SGCE: variants seen among roughly 807,000 people sequenced by gnomAD.
SGCE encodes epsilon-sarcoglycan.
Under a neutral mutation model 57.8 loss-of-function variants are expected in SGCE, and 26 were observed. The observed-to-expected ratio is 0.45, with a 90% CI of 0.33 to 0.62. The LOEUF is 0.62. Ranked by LOEUF, SGCE falls within the 20% of genes least tolerant of loss-of-function variation. SGCE has a pLI of 0.02. For synonymous variants in SGCE, 183 were observed against 189.5 expected (o/e 0.97, Z 0.28); for missense variants, 468 against 548.6 (o/e 0.85, Z 1.47).
intron 1 of SGCE, among the ~76,000 whole-genome samples, chr7:94,633,550 A>C (rs1425292535): frequency 6.6e-6 from 1 of 152,108 alleles, no homozygotes; most frequent in Non-Finnish European, 1.5e-5. Context: ...TAGAATCTGC[A>C]GCCATTTCAA....
In SGCE at chr7:94,648,515, A is replaced by G. The variant is rs1343240521; in HGVS notation, c.109+7475T>C. On this transcript the variant is annotated intron_variant, in intron 1 of 10. Coordinates refer to ENST00000648936, the MANE Select transcript of SGCE (RefSeq NM_003919.3). ...GAAGCACCTTCACCATTATATCTCT[A>G]AGCTAGACTTCTAGCAGTAAAACGG... 2.6e-5 allele frequency among the ~76,000 whole-genome samples: 4 copies of G among 152,210 alleles called. No individual in the cohort carries two copies. In the East Asian group the frequency reaches 7.7e-4, roughly 29 times the overall value.
chr7:94,621,330 C>T (rs1324253405), intron 4 of SGCE: 1 of 152,154 alleles, frequency 6.6e-6, no homozygotes, highest in Non-Finnish European at 1.5e-5. Context: ...ACAAGCACTG[C>T]CTGGAGTAAA....
At chr7:94,628,912 T>G (rs1804202409) in intron 2 of SGCE, 1 of 155,904 alleles carries the variant, frequency 6.4e-6, no homozygotes, top group Non-Finnish European at 1.4e-5. Flanking sequence ...TAGCACATCC[T>G]GGCCCTGTGT....
At chr7:94,635,365 G>C (rs1302851266) in intron 1 of SGCE, among the ~76,000 whole-genome samples, 1 of 152,164 alleles carries the variant, frequency 6.6e-6, no homozygotes, top group East Asian at 1.9e-4. Context: ...GATACAAAGA[G>C]AGTACTAAAC....
chr7:94,641,160 T>C (rs1050147763), intron 1 of SGCE, among the ~76,000 whole-genome samples: 1 of 152,152 alleles, frequency 6.6e-6, no homozygotes, highest in Non-Finnish European at 1.5e-5. Flanking sequence ...AAGGAGAGTG[T>C]GATCAACATC....
At chr7:94,619,519 C>A (rs966211911) in intron 4 of SGCE, 1 of 152,200 alleles carries the variant, frequency 6.6e-6, no homozygotes, top group Non-Finnish European at 1.5e-5. Flanking sequence ...TAAAACAACC[C>A]CATGTCAAAT....
intron 9 of SGCE, among the ~76,000 whole-genome samples, chr7:94,597,052 C>T (rs530845204): frequency 1.3e-5 from 2 of 151,980 alleles, no homozygotes; most frequent in African/African-American, 4.8e-5. Flanking sequence ...TATCTAATCC[C>T]GGTAAACTGG....
chr7:94,604,413 T>TACACACAC (rs139796978), intron 5 of SGCE, among the ~76,000 whole-genome samples: 10 of 148,474 alleles, frequency 6.7e-5, no homozygotes, highest in African/African-American at 1.7e-4. Context: ...AGAATAGCCA[T>TACACACAC]ACACACACAC....
At chr7:94,608,214 C>T (rs1354504216) in intron 5 of SGCE, among the ~76,000 whole-genome samples, 2 of 152,138 alleles carry the variant, frequency 1.3e-5, no homozygotes, top group East Asian at 1.9e-4. Flanking sequence ...TGGTGGCACA[C>T]GCCTGTAGTC....
intron 9 of SGCE, chr7:94,598,232 C>T (rs1268326669): frequency 6.0e-6 from 1 of 165,296 alleles, no homozygotes; most frequent in East Asian, 1.8e-4. Flanking sequence ...GCCTTTCTAA[C>T]CCTGATCCCT....
At chr7:94,596,540 T>C (rs1798427432) in intron 9 of SGCE, among the ~76,000 whole-genome samples, 1 of 152,146 alleles carries the variant, frequency 6.6e-6, no homozygotes, top group Non-Finnish European at 1.5e-5. Flanking sequence ...CCTTTTCCTA[T>C]GGATTCACAA....
At chr7:94,618,130 G>A (rs1802212169) in intron 5 of SGCE, 1 of 152,232 alleles carries the variant, frequency 6.6e-6, no homozygotes, top group South Asian at 2.1e-4. Context: ...TATCTGCACA[G>A]CTTCAGAACT....
intron 1 of SGCE, among the ~76,000 whole-genome samples, chr7:94,642,890 A>G (rs909497843): frequency 2.6e-5 from 4 of 152,192 alleles, no homozygotes; most frequent in African/African-American, 4.8e-5. Context: ...GTCTAATTCA[A>G]TCCTTACAAA....
chr7:94,612,160 C>T (rs1293129398), intron 5 of SGCE, among the ~76,000 whole-genome samples: 1 of 152,014 alleles, frequency 6.6e-6, no homozygotes, highest in Non-Finnish European at 1.5e-5. Context: ...CTTGCTTAGA[C>T]AAGACATTGA....
chr7:94,596,664 G>T (rs1035047515), intron 9 of SGCE, among the ~76,000 whole-genome samples: 4 of 152,034 alleles, frequency 2.6e-5, no homozygotes, highest in Non-Finnish European at 4.4e-5. Context: ...ATGCTGCCTT[G>T]TACTTATTAA....
intron 1 of SGCE, among the ~76,000 whole-genome samples, chr7:94,642,799 T>C (rs12704730): frequency 0.13 from 19,469 of 152,204 alleles, 1,504 homozygotes; most frequent in South Asian, 0.25. Context: ...AAGAACAATG[T>C]ATTTGTGGAT....
At chr7:94,632,973 C>T (rs1392458932) in intron 1 of SGCE, among the ~76,000 whole-genome samples, 1 of 151,984 alleles carries the variant, frequency 6.6e-6, no homozygotes, top group African/African-American at 2.4e-5. Flanking sequence ...AAGCTTAAAG[C>T]ATGTTGTTTT....
At position 94,624,575 on chromosome 7, in the gene SGCE, CATTAAA is replaced by C. The variant is rs369411382; in HGVS notation, c.391-1184_391-1179del. The C allele has an allele frequency of 2.4e-3, 498 of 206,914 alleles. 2 individuals are homozygous for C. The highest frequency in any genetic ancestry group is 0.011 in the African/African-American group (473 of 43,766). 12.8% of individuals were successfully genotyped at this position (206,914 alleles called of 1,614,324 possible). A position where few individuals can be genotyped will look rare whatever the true frequency, so the allele number is the denominator to read the frequency against. ...CATGATCAATTAATTTCACACCGGACATTAAAATTAAGACTAGCCATTAAACAAACT... is the reference window on the plus strand; with the variant it reads ...CATGATCAATTAATTTCACACCGGACATTAAGACTAGCCATTAAACAAACT... On this transcript the variant is annotated intron_variant, in intron 3 of 10. Transcript: ENST00000648936.
chr7:94,588,467 TG>T (rs1797208818), intron 10 of SGCE: 1 of 1,358,680 alleles, frequency 7.4e-7, no homozygotes, highest in East Asian at 2.9e-5. Context: ...CCTCCATGGA[TG>T]CTTTTGCTCT....
Sources: gnomAD v4.1 joint callset for allele counts (sites outside exome capture counted in the v4.1 genomes callset) on GRCh38, gnomAD v4.1.1 for gene constraint, MANE v1.5 for transcripts, NCBI Gene and HGNC (gene_info 2026-07-23, HGNC 2026-07-21) for gene names.